SUGCT: variants seen among roughly 807,000 people sequenced by gnomAD.
SUGCT encodes succinyl-CoA:glutarate CoA-transferase.
SUGCT carries 41 observed loss-of-function variants against 55.0 expected under a neutral mutation model. The observed-to-expected ratio is 0.74, with a 90% CI of 0.58 to 0.97. SUGCT has a LOEUF of 0.97. Among genes scored for constraint, SUGCT ranks in the 50% least tolerant of loss-of-function variants. SUGCT has a pLI of 0.00. For missense variants in SUGCT, 568 were observed against 547.8 expected (o/e 1.04, Z -0.37); for synonymous variants, 187 against 200.4 (o/e 0.93, Z 0.56).
intron 13 of SUGCT, among the ~76,000 whole-genome samples, chr7:40,775,170 A>G (rs1348203835): frequency 6.6e-6 from 1 of 152,244 alleles, no homozygotes; most frequent in Non-Finnish European, 1.5e-5. Flanking sequence ...TGAAAGATAA[A>G]TGTGCTTTAC....
intron 12 of SUGCT, among the ~76,000 whole-genome samples, chr7:40,656,601 C>A (rs1459299341): frequency 6.6e-6 from 1 of 152,178 alleles, no homozygotes; most frequent in Non-Finnish European, 1.5e-5. Context: ...TTTCTTAAAA[C>A]CTACTCCTTG....
At chr7:40,553,968 A>G (rs1795434593) in intron 12 of SUGCT, among the ~76,000 whole-genome samples, 1 of 152,208 alleles carries the variant, frequency 6.6e-6, no homozygotes, top group South Asian at 2.1e-4. Flanking sequence ...GACTATCTCA[A>G]ACAAGGACTG....
intron 13 of SUGCT, among the ~76,000 whole-genome samples, chr7:40,782,984 C>T (rs1789831643): frequency 6.6e-6 from 1 of 152,160 alleles, no homozygotes; most frequent in Non-Finnish European, 1.5e-5. Flanking sequence ...GAGAGAAAAA[C>T]TTCCATGTGA....
At chr7:40,556,151 C>T (rs1795550899) in intron 12 of SUGCT, among the ~76,000 whole-genome samples, 1 of 152,180 alleles carries the variant, frequency 6.6e-6, no homozygotes, top group Non-Finnish European at 1.5e-5. Flanking sequence ...TTTTTGACCT[C>T]TGTTAAGTCT....
chr7:40,224,399 CGTGTGTGT>C (rs61318990), intron 6 of SUGCT, among the ~76,000 whole-genome samples: 3,401 of 145,436 alleles, frequency 0.023, 106 homozygotes, highest in African/African-American at 0.079. Flanking sequence ...ATAATCTGTG[CGTGTGTGT>C]GTGTGTGTGT....
At chr7:40,382,305 T>G (rs1784913998) in intron 9 of SUGCT, among the ~76,000 whole-genome samples, 1 of 152,152 alleles carries the variant, frequency 6.6e-6, no homozygotes, top group Non-Finnish European at 1.5e-5. Flanking sequence ...GGTTTACTTT[T>G]CACACATTTA....
At chr7:40,941,885 C>G in the SUGCT span, among the ~76,000 whole-genome samples, 1 of 152,014 alleles carries the variant, frequency 6.6e-6, no homozygotes, top group Admixed American at 6.6e-5. Context: ...ATAATAGCTA[C>G]TACTGTTCAT....
At chr7:40,811,191 C>T (rs62449401) in intron 13 of SUGCT, among the ~76,000 whole-genome samples, 47,743 of 151,920 alleles carry the variant, frequency 0.31, 7,921 homozygotes, top group East Asian at 0.44. Flanking sequence ...TTTGAAGTCA[C>T]GTAATGTGAT....
intron 9 of SUGCT, among the ~76,000 whole-genome samples, chr7:40,351,612 T>C (rs972642045): frequency 4.6e-5 from 7 of 152,202 alleles, no homozygotes; most frequent in Non-Finnish European, 1.0e-4. Context: ...CCACATAATG[T>C]TTTTAGAAAA....
intron 9 of SUGCT, among the ~76,000 whole-genome samples, chr7:40,335,661 G>A (rs1584711743): frequency 6.6e-6 from 1 of 152,222 alleles, no homozygotes; most frequent in Non-Finnish European, 1.5e-5. Flanking sequence ...GAGACAATGG[G>A]TTTTCTAGAT....
intron 13 of SUGCT, among the ~76,000 whole-genome samples, chr7:40,834,903 C>G (rs1211113148): frequency 6.6e-6 from 1 of 152,052 alleles, no homozygotes; most frequent in Non-Finnish European, 1.5e-5. Flanking sequence ...CCCTGCTCTT[C>G]TAGGAGGCTA....
At chr7:41,006,462 GA>G in the SUGCT span, among the ~76,000 whole-genome samples, 1 of 151,962 alleles carries the variant, frequency 6.6e-6, no homozygotes, top group Admixed American at 6.6e-5. Flanking sequence ...TTTTATAATG[GA>G]AAAAGCTTTG....
At chr7:40,655,467 T>TA (rs1231415357) in intron 12 of SUGCT, among the ~76,000 whole-genome samples, 3 of 152,204 alleles carry the variant, frequency 2.0e-5, no homozygotes, top group African/African-American at 7.2e-5. Context: ...TTAGCTACAC[T>TA]AAACTTCATA....
At chr7:40,822,188 G>A (rs1040544519) in intron 13 of SUGCT, among the ~76,000 whole-genome samples, 6 of 150,580 alleles carry the variant, frequency 4.0e-5, no homozygotes, top group Admixed American at 4.0e-4. Flanking sequence ...TTCCGACTAT[G>A]TGGTCAATTT....
the SUGCT span, among the ~76,000 whole-genome samples, chr7:40,968,636 G>T: frequency 6.6e-6 from 1 of 152,192 alleles, no homozygotes; most frequent in Non-Finnish European, 1.5e-5. Context: ...GTGGCCTACA[G>T]GAAAATAAGT....
intron 9 of SUGCT, among the ~76,000 whole-genome samples, chr7:40,355,989 A>T (rs993744078): frequency 2.6e-5 from 4 of 152,244 alleles, no homozygotes; most frequent in Non-Finnish European, 5.9e-5. Context: ...CAGATTAATC[A>T]CTTCCAATTG....
At chr7:40,967,670 G>T in the SUGCT span, among the ~76,000 whole-genome samples, 2 of 150,922 alleles carry the variant, frequency 1.3e-5, no homozygotes, top group African/African-American at 2.4e-5. Flanking sequence ...GCCCAGGCTG[G>T]AGTGCAGTGG....
At chr7:40,405,808 TAAAAAAAAAAAAA>T (rs60966218) in intron 9 of SUGCT, among the ~76,000 whole-genome samples, 2 of 90,944 alleles carry the variant, frequency 2.2e-5, no homozygotes, top group Middle Eastern at 0.011. Flanking sequence ...AGACTCTGTC[TAAAAAAAAAAAAA>T]AAAAAAAAAG....
At chr7:40,659,427 G>A (rs1485279515) in intron 12 of SUGCT, among the ~76,000 whole-genome samples, 1 of 152,182 alleles carries the variant, frequency 6.6e-6, no homozygotes, top group Non-Finnish European at 1.5e-5. Context: ...AGCTGCCTGA[G>A]CGTCCTCATG....
Sources: gnomAD v4.1 joint callset for allele counts (sites outside exome capture counted in the v4.1 genomes callset) on GRCh38, gnomAD v4.1.1 for gene constraint, MANE v1.5 for transcripts, NCBI Gene and HGNC (gene_info 2026-07-23, HGNC 2026-07-21) for gene names.